SYNE2: variants seen among roughly 807,000 people sequenced by gnomAD.
The protein encoded by SYNE2 is spectrin repeat containing nuclear envelope protein 2.
Under a neutral mutation model 856.3 loss-of-function variants are expected in SYNE2, and 431 were observed. That is an observed-to-expected ratio of 0.50 (90% CI 0.47 to 0.55). The LOEUF is 0.55. Among genes scored for constraint, SYNE2 ranks in the 20% least tolerant of loss-of-function variants. The probability of loss-of-function intolerance (pLI) is 0.00; values close to 1 mark genes in which losing one functional copy is unlikely to be tolerated. For synonymous variants in SYNE2, 2,923 were observed against 2,872.3 expected, an observed-to-expected ratio of 1.02 and a Z score of -0.56; for missense variants, 8,129 against 8,023.2, an observed-to-expected ratio of 1.01 and a Z score of -0.50.
At position 63,986,527 on chromosome 14, in the gene SYNE2, A is replaced by G; in HGVS notation, c.2223A>G (p.Lys741=). 1 of 1,613,978 alleles carries G rather than the reference A, an allele frequency of 6.2e-7. No individual in the cohort carries two copies. The highest frequency in any genetic ancestry group is 8.5e-7 in the Non-Finnish European group (1 of 1,179,982). The change falls in exon 19 of 116, where the codon AAA becomes AAG. Residue 741 remains lysine (K), a synonymous_variant. Transcript: ENST00000555002. ...GQLKVAKDVE[K]LIGQVEIWEA... ...TAAAAGTGGCTAAAGATGTTGAAAA[A>G]CTCATTGGACAAGTGGAAATCTGGG...
chr14:64,085,358 G>T (rs2097553125), intron 57 of SYNE2, among the ~76,000 whole-genome samples: 1 of 152,186 alleles, frequency 6.6e-6, no homozygotes, highest in African/African-American at 2.4e-5. Context: ...AATTAAATTA[G>T]TAAGTCTGGC....
At chr14:63,908,305 C>T (rs567599859) in intron 1 of SYNE2, among the ~76,000 whole-genome samples, 2 of 152,230 alleles carry the variant, frequency 1.3e-5, no homozygotes, top group South Asian at 4.1e-4. Flanking sequence ...ATTATCCATC[C>T]CTATGTACAC....
In SYNE2 at chr14:64,212,113, T is replaced by A. The variant is rs184676859; in HGVS notation, c.18861+15T>A. The A allele has an allele frequency of 3.7e-6, 6 of 1,613,794 alleles. No individual in the cohort carries two copies. In the East Asian group the frequency reaches 1.3e-4, roughly 36 times the overall value. On this transcript the variant is annotated intron_variant, in intron 104 of 115. Coordinates refer to ENST00000555002, the MANE Select transcript of SYNE2 (RefSeq NM_182914.3). ...GCCAACTGAATGTGAGGGCTGCTGC[T>A]TCCCTAGCTCTTCTCAAAAGAACAC...
At chr14:63,858,243 TGTGCG>T (rs1892409954) in intron 1 of SYNE2, among the ~76,000 whole-genome samples, 1 of 139,266 alleles carries the variant, frequency 7.2e-6, no homozygotes. Context: ...GGATTACAGG[TGTGCG>T]TCTCCACACC....
At chr14:63,888,931 G>A (rs2095059775) in intron 1 of SYNE2, among the ~76,000 whole-genome samples, 2 of 152,038 alleles carry the variant, frequency 1.3e-5, no homozygotes, top group Non-Finnish European at 2.9e-5. Context: ...GCCGGGCGCG[G>A]TGGCACACGC....
At chr14:63,792,278 G>T (rs1164241415) in intron 1 of SYNE2, among the ~76,000 whole-genome samples, 7 of 152,104 alleles carry the variant, frequency 4.6e-5, no homozygotes, top group Non-Finnish European at 1.0e-4. Flanking sequence ...TTAAGAGCTG[G>T]AGTCACCTGT....
intron 44 of SYNE2, among the ~76,000 whole-genome samples, chr14:64,030,759 G>A (rs184255282): frequency 1.7e-3 from 256 of 152,226 alleles, no homozygotes; most frequent in Admixed American, 5.2e-3. Flanking sequence ...TATATTCAAC[G>A]AATATCTGTT....
Position 63,993,853 on chromosome 14 carries a change from A to G in SYNE2, c.2665A>G (p.Asn889Asp), listed in dbSNP as rs370800852. 1.1e-4 allele frequency: 174 copies of G among 1,606,384 alleles called. 1 individual carries two copies. In the South Asian group the frequency reaches 1.9e-3, roughly 17 times the overall value. ...TTTTTAGGAAGCACTAATAATTTCTAATACAAAAAGTCTGGCCAAGTATTT... is the reference window on the plus strand; with the variant it reads ...TTTTTAGGAAGCACTAATAATTTCTGATACAAAAAGTCTGGCCAAGTATTT... ...SKHKEALIISNTKSLAKYLKA... is the reference protein window; with the variant it reads ...SKHKEALIISDTKSLAKYLKA... Residue 889 changes from asparagine (N) to aspartate (D), a missense_variant, in exon 22 of 116, where the codon AAT becomes GAT. Transcript: ENST00000555002.
At chr14:63,871,248 C>G (rs1258452737) in intron 1 of SYNE2, among the ~76,000 whole-genome samples, 1 of 151,536 alleles carries the variant, frequency 6.6e-6, no homozygotes, top group Non-Finnish European at 1.5e-5. Flanking sequence ...TTTTGTTGCC[C>G]AGGCTGGAGT....
intron 7 of SYNE2, among the ~76,000 whole-genome samples, chr14:63,951,474 G>A (rs940268748): frequency 2.0e-4 from 30 of 151,950 alleles, no homozygotes; most frequent in Non-Finnish European, 8.8e-5. Flanking sequence ...AGCTAATTTT[G>A]TATTTTTAGT....
At chr14:64,056,785 C>T (rs780992078) in intron 49 of SYNE2, among the ~76,000 whole-genome samples, 3 of 152,084 alleles carry the variant, frequency 2.0e-5, no homozygotes, top group Non-Finnish European at 2.9e-5. Flanking sequence ...ATTCTCCTGC[C>T]TCAGCCTCCC....
In SYNE2 at chr14:64,098,957, A is replaced by C. The variant is rs67360116; in HGVS notation, c.12381+136A>C. ...GATATTTTAAAAGTATGATTGAAGT[A>C]GTTCTCTTATGTTATTAATGTTTAA... On this transcript the variant is annotated intron_variant, in intron 63 of 115. Transcript: ENST00000555002. The C allele has an allele frequency of 0.078, 67,237 of 859,964 alleles. 3,559 individuals carry two copies. The highest frequency in any genetic ancestry group is 0.21 in the African/African-American group (12,268 of 59,688). 53.3% of individuals were successfully genotyped at this position (859,964 alleles called of 1,614,324 possible).
chr14:64,195,826 C>T (rs1325528606), intron 99 of SYNE2, among the ~76,000 whole-genome samples: 1 of 152,160 alleles, frequency 6.6e-6, no homozygotes, highest in Non-Finnish European at 1.5e-5. Flanking sequence ...TAGCAGGTTG[C>T]CTGATCCAGT....
At chr14:64,037,106 G>T (rs2097096551) in intron 45 of SYNE2, among the ~76,000 whole-genome samples, 1 of 151,772 alleles carries the variant, frequency 6.6e-6, no homozygotes, top group South Asian at 2.1e-4. Flanking sequence ...GGTGTGGGGA[G>T]CATTTTTGAC....
At chr14:63,812,888 T>C (rs965658045) in intron 1 of SYNE2, among the ~76,000 whole-genome samples, 3 of 152,142 alleles carry the variant, frequency 2.0e-5, no homozygotes, top group African/African-American at 4.8e-5. Context: ...TCCTGGAACT[T>C]AATGTAAATT....
In SYNE2 at chr14:64,202,808, A is replaced by G; in HGVS notation, c.18046A>G (p.Lys6016Glu). The change falls in exon 100 of 116, where the codon AAG becomes GAG. Residue 6016 changes from lysine (K) to glutamate (E), a missense_variant. Lys to Glu is a moderately conservative substitution (Grantham distance 56). This residue lies in a region of SYNE2 where 5,410 missense variants were observed against 5,284.8 expected (regional missense o/e 1.02). Transcript: ENST00000555002. ...TTCTGCAAATATGTGTAGGGTGAAG[A>G]AGCTGAAGGAGACCTTTGCTTTTAT... The part of the protein sequence containing the change: ...LFDVIGSRVK[K>E]LKETFAFIQQ... 1 of 1,614,134 alleles carries G rather than the reference A, an allele frequency of 6.2e-7. No homozygotes were observed. Among genetic ancestry groups the G allele is most frequent in the Non-Finnish European group, 8.5e-7 (1 of 1,180,038 alleles).
chr14:64,036,970 C>G (rs956852107), intron 45 of SYNE2, among the ~76,000 whole-genome samples: 25 of 152,078 alleles, frequency 1.6e-4, no homozygotes, highest in Non-Finnish European at 2.9e-5. Context: ...AAGGAAGGAA[C>G]CTAGTTCCAT....
intron 1 of SYNE2, among the ~76,000 whole-genome samples, chr14:63,769,468 C>T (rs375179717): frequency 6.6e-6 from 1 of 152,032 alleles, no homozygotes; most frequent in Admixed American, 6.6e-5. Context: ...GAGATCGAGA[C>T]CATCTTGGCT....
At chr14:63,952,668 T>A (rs1219639785) in intron 7 of SYNE2, among the ~76,000 whole-genome samples, 5 of 152,358 alleles carry the variant, frequency 3.3e-5, no homozygotes, top group East Asian at 3.9e-4. Context: ...GAATTTTTTT[T>A]AAAGCATTTA....
Sources: gnomAD v4.1 joint callset for allele counts (sites outside exome capture counted in the v4.1 genomes callset) on GRCh38, gnomAD v4.1.1 for gene constraint, gnomAD v4.1.1 regional missense constraint, MANE v1.5 for transcripts, NCBI Gene and HGNC (gene_info 2026-07-23, HGNC 2026-07-21) for gene names.